Variants in PARD3B observed in about 807,000 individuals in gnomAD.
PARD3B encodes the protein par-3 family cell polarity regulator beta, also known as partitioning defective 3 homolog B.
Under a neutral mutation model 130.2 loss-of-function variants are expected in PARD3B, and 103 were observed. The ratio of observed to expected loss-of-function variants is 0.79; its 90% CI spans 0.67 to 0.93. The LOEUF is 0.93. Ranked by LOEUF, PARD3B falls within the 40% of genes least tolerant of loss-of-function variation. The probability of loss-of-function intolerance (pLI) is 0.00; values close to 1 mark genes in which losing one functional copy is unlikely to be tolerated. For synonymous variants in PARD3B, 583 were observed against 553.2 expected (o/e 1.05, Z -0.76); for missense variants, 1,609 against 1,499.2 (o/e 1.07, Z -1.21).
intron 18 of PARD3B, among the ~76,000 whole-genome samples, chr2:205,336,700 T>G (rs2043325224): frequency 1.3e-5 from 2 of 152,182 alleles, no homozygotes; most frequent in Non-Finnish European, 2.9e-5. Context: ...GTTTATTTTC[T>G]AATGGAAAAG....
At chr2:204,617,285 C>T (rs2034145425) in intron 1 of PARD3B, among the ~76,000 whole-genome samples, 1 of 152,184 alleles carries the variant, frequency 6.6e-6, no homozygotes, top group African/African-American at 2.4e-5. Context: ...TTCTTTCAAG[C>T]CTCCTTTAGC....
intron 3 of PARD3B, among the ~76,000 whole-genome samples, chr2:204,979,164 C>T (rs1692452539): frequency 1.3e-5 from 2 of 151,278 alleles, no homozygotes; most frequent in Admixed American, 1.3e-4. Flanking sequence ...CGAGATTGCA[C>T]CACTGCAGTC....
At chr2:204,740,128 C>T (rs1278636263) in intron 2 of PARD3B, among the ~76,000 whole-genome samples, 2 of 151,962 alleles carry the variant, frequency 1.3e-5, no homozygotes, top group African/African-American at 4.8e-5. Flanking sequence ...ATTCTACTGC[C>T]TCAACATCCC....
intron 10 of PARD3B, among the ~76,000 whole-genome samples, chr2:205,150,510 A>T (rs2033683090): frequency 6.6e-6 from 1 of 152,108 alleles, no homozygotes; most frequent in Admixed American, 6.5e-5. Context: ...TGATTTTTTT[A>T]ATGTTAGATA....
chr2:205,211,354 A>G (rs1272440753), intron 15 of PARD3B, among the ~76,000 whole-genome samples: 5 of 152,064 alleles, frequency 3.3e-5, no homozygotes, highest in Non-Finnish European at 4.4e-5. Context: ...TCATCCATAC[A>G]TCTATTCCCT....
intron 2 of PARD3B, among the ~76,000 whole-genome samples, chr2:204,835,722 C>T (rs2044005327): frequency 6.6e-6 from 1 of 152,194 alleles, no homozygotes; most frequent in African/African-American, 2.4e-5. Flanking sequence ...AACCACACTT[C>T]CAGATTTGAA....
chr2:205,237,048 C>T (rs900739985), intron 15 of PARD3B, among the ~76,000 whole-genome samples: 2 of 152,152 alleles, frequency 1.3e-5, no homozygotes, highest in African/African-American at 4.8e-5. Flanking sequence ...TAATATTTTT[C>T]TTCAACACAG....
intron 1 of PARD3B, among the ~76,000 whole-genome samples, chr2:204,616,384 T>G (rs914502739): frequency 1.3e-5 from 2 of 152,166 alleles, no homozygotes; most frequent in Admixed American, 6.6e-5. Flanking sequence ...ACATCATATG[T>G]CATCAGGGAA....
At chr2:205,522,724 C>T (rs933887475) in intron 21 of PARD3B, among the ~76,000 whole-genome samples, 4 of 151,814 alleles carry the variant, frequency 2.6e-5, no homozygotes, top group South Asian at 4.2e-4. Flanking sequence ...GAGTCAGCAC[C>T]GATTATTATA....
chr2:205,243,928 T>C (rs1236762903), intron 15 of PARD3B, among the ~76,000 whole-genome samples: 2 of 152,246 alleles, frequency 1.3e-5, no homozygotes, highest in Non-Finnish European at 2.9e-5. Context: ...TTATTTTTAA[T>C]CATTATCATT....
At chr2:205,279,079 A>AAAC (rs1553657180) in intron 16 of PARD3B, among the ~76,000 whole-genome samples, 72 of 144,574 alleles carry the variant, frequency 5.0e-4, no homozygotes, top group Non-Finnish European at 9.8e-4. Flanking sequence ...TCAAAAAAAA[A>AAAC]AAAAAAAAAA....
At chr2:205,067,539 TTTATTA>T (rs1290287776) in intron 4 of PARD3B, among the ~76,000 whole-genome samples, 1 of 152,156 alleles carries the variant, frequency 6.6e-6, no homozygotes, top group Non-Finnish European at 1.5e-5. Context: ...TCAATTTTCT[TTTATTA>T]TTATAGTGTA....
At chr2:204,613,755 A>G (rs1474053434) in intron 1 of PARD3B, among the ~76,000 whole-genome samples, 1 of 152,004 alleles carries the variant, frequency 6.6e-6, no homozygotes, top group Non-Finnish European at 1.5e-5. Flanking sequence ...AAGCATAGCT[A>G]TTGTATGGGT....
rs926550988 is a variant in PARD3B at position 205,187,500 on chromosome 2, T to C, written c.2024+1637T>C. Among the ~76,000 whole-genome samples the C allele has an allele frequency of 6.6e-6, 1 of 152,290 alleles. No homozygotes were observed. ...CCCCTGGAAGCCAGGACTCTTTGGA[T>C]ACCTTTTAGGGCAACTGCAGTCAGA... On this transcript the variant is annotated intron_variant, in intron 14 of 22. Transcript: ENST00000406610. This position sits in a 1 kb window ranked among gnomAD's most constrained non-coding sequence, Gnocchi z 4.9.
At chr2:205,428,868 G>A (rs2047233791) in intron 19 of PARD3B, among the ~76,000 whole-genome samples, 1 of 152,096 alleles carries the variant, frequency 6.6e-6, no homozygotes, top group African/African-American at 2.4e-5. Flanking sequence ...CCCAGTGGCA[G>A]TGAGCACGCC....
At chr2:205,348,074 A>T (rs1449064506) in intron 18 of PARD3B, 1 of 152,258 alleles carries the variant, frequency 6.6e-6, no homozygotes, top group East Asian at 1.9e-4. Flanking sequence ...GAAAACAGCC[A>T]GGTCCTATTG....
At chr2:204,698,507 CT>C (rs2037724786) in intron 2 of PARD3B, among the ~76,000 whole-genome samples, 1 of 150,994 alleles carries the variant, frequency 6.6e-6, no homozygotes, top group Non-Finnish European at 1.5e-5. Flanking sequence ...CGAATTATAT[CT>C]TTTTATTTTA....
rs1418834066 is a variant in PARD3B at position 205,568,124 on chromosome 2, G to C, written c.3260+14721G>C. ...TGGATAAGGACCGTAGTGGACAGAAGTGCTGCAGTGATGGGGGTGTGGGGG... is the reference window on the plus strand; with the variant it reads ...TGGATAAGGACCGTAGTGGACAGAACTGCTGCAGTGATGGGGGTGTGGGGG... On this transcript the variant is annotated intron_variant, in intron 22 of 22. Coordinates refer to ENST00000406610, the MANE Select transcript of PARD3B (RefSeq NM_001302769.2). This position sits in a 1 kb window ranked among gnomAD's most constrained non-coding sequence, Gnocchi z 5.3. 6.6e-6 allele frequency among the ~76,000 whole-genome samples: 1 copy of C among 152,222 alleles called. No individual in the cohort carries two copies. Among genetic ancestry groups the C allele is most frequent in the Non-Finnish European group, 1.5e-5 (1 of 68,030 alleles).
chr2:204,988,657 T>C (rs1693387463), intron 3 of PARD3B, among the ~76,000 whole-genome samples: 1 of 152,206 alleles, frequency 6.6e-6, no homozygotes, highest in Non-Finnish European at 1.5e-5. Context: ...TAAATGAATT[T>C]GTGACCTAAA....
Sources: gnomAD v4.1 joint callset for allele counts (sites outside exome capture counted in the v4.1 genomes callset) on GRCh38, gnomAD v4.1.1 for gene constraint, Gnocchi (gnomAD v3.1) non-coding constraint, MANE v1.5 for transcripts, NCBI Gene and HGNC (gene_info 2026-07-23, HGNC 2026-07-21) for gene names.